Variants in PPM1E observed in about 807,000 individuals in gnomAD.
PPM1E encodes protein phosphatase, Mg2+/Mn2+ dependent 1E, also known as protein phosphatase 1E.
PPM1E carries 20 observed loss-of-function variants against 65.9 expected under a neutral mutation model. That is an observed-to-expected ratio of 0.30 (90% CI 0.21 to 0.44). The LOEUF is 0.44. PPM1E is among the 20% of genes least tolerant of loss of function. PPM1E has a pLI of 1.00. For missense variants in PPM1E, 713 were observed against 953.1 expected (o/e 0.75, Z 3.32); for synonymous variants, 352 against 374.9 (o/e 0.94, Z 0.70).
At chr17:58,917,201 C>T (rs1028007557) in intron 1 of PPM1E, among the ~76,000 whole-genome samples, 1 of 144,784 alleles carries the variant, frequency 6.9e-6, no homozygotes, top group African/African-American at 2.5e-5. Context: ...CAGAGCGAGA[C>T]TCTGTCTCAA....
intron 1 of PPM1E, among the ~76,000 whole-genome samples, chr17:58,772,461 A>G (rs1252815263): frequency 6.6e-6 from 1 of 152,132 alleles, no homozygotes; most frequent in African/African-American, 2.4e-5. Context: ...TCTAAAAAAA[A>G]AAAAAAGATA....
At chr17:58,960,788 T>G (rs994840120) in intron 2 of PPM1E, among the ~76,000 whole-genome samples, 14 of 136,408 alleles carry the variant, frequency 1.0e-4, no homozygotes, top group African/African-American at 3.8e-4. Context: ...AAAAGAAAAA[T>G]AATTATAATA....
chr17:58,769,208 CTATTTTCTATA>C (rs753024802), intron 1 of PPM1E, among the ~76,000 whole-genome samples: 5 of 151,918 alleles, frequency 3.3e-5, no homozygotes, highest in Non-Finnish European at 7.4e-5. Context: ...CTGAAGGTAC[CTATTTTCTATA>C]TAATTTTAAT....
chr17:58,962,667 A>G (rs2030069798), intron 2 of PPM1E, among the ~76,000 whole-genome samples: 1 of 152,218 alleles, frequency 6.6e-6, no homozygotes, highest in Admixed American at 6.5e-5. Context: ...GCTCAAAACA[A>G]TCAAAATGTT....
At chr17:58,866,025 T>C (rs1290773295) in intron 1 of PPM1E, among the ~76,000 whole-genome samples, 5 of 152,330 alleles carry the variant, frequency 3.3e-5, no homozygotes, top group African/African-American at 1.2e-4. Flanking sequence ...CCCCATCATA[T>C]TTCTTGTGGT....
intron 1 of PPM1E, among the ~76,000 whole-genome samples, chr17:58,778,501 T>C (rs2050017278): frequency 6.7e-6 from 1 of 148,576 alleles, no homozygotes; most frequent in African/African-American, 2.5e-5. Context: ...CTTCTGCCTG[T>C]CGGGTTCAAG....
intron 1 of PPM1E, among the ~76,000 whole-genome samples, chr17:58,789,098 TGAAA>T (rs1468504736): frequency 1.3e-5 from 2 of 152,236 alleles, no homozygotes; most frequent in Non-Finnish European, 2.9e-5. Context: ...TGTTTTGGAC[TGAAA>T]GATTGACTAA....
At chr17:58,950,320 C>T (rs2052218118) in intron 1 of PPM1E, among the ~76,000 whole-genome samples, 1 of 152,172 alleles carries the variant, frequency 6.6e-6, no homozygotes, top group Non-Finnish European at 1.5e-5. Context: ...AAAATTGCAC[C>T]ATTGCACTCC....
chr17:58,963,465 G>A (rs1035363351), intron 2 of PPM1E, among the ~76,000 whole-genome samples: 2 of 151,736 alleles, frequency 1.3e-5, no homozygotes, highest in Non-Finnish European at 2.9e-5. Flanking sequence ...GAGGCGGGTG[G>A]ATCACGAGGT....
intron 1 of PPM1E, among the ~76,000 whole-genome samples, chr17:58,933,834 C>T (rs1178544410): frequency 3.3e-5 from 5 of 150,350 alleles, no homozygotes; most frequent in South Asian, 2.1e-4. Context: ...CAGTGGCTCA[C>T]GCCTGTAATC....
intron 1 of PPM1E, among the ~76,000 whole-genome samples, chr17:58,832,141 A>G (rs2050612492): frequency 6.6e-6 from 1 of 152,216 alleles, no homozygotes; most frequent in Non-Finnish European, 1.5e-5. Context: ...TAAAGACAGT[A>G]TTAGAACTTT....
chr17:58,895,565 G>T (rs892527851), intron 1 of PPM1E, among the ~76,000 whole-genome samples: 7 of 152,244 alleles, frequency 4.6e-5, no homozygotes, highest in Middle Eastern at 3.4e-3. Flanking sequence ...CCAAAACTTT[G>T]GGAGGCTGAA....
At position 58,903,801 on chromosome 17, in the gene PPM1E, T is replaced by C. The variant is rs181920123; in HGVS notation, c.465-51848T>C. 3.9e-5 allele frequency among the ~76,000 whole-genome samples: 6 copies of C among 152,340 alleles called. No homozygotes were observed. The East Asian group carries it at 1.2e-3, about 29-fold the overall frequency. On this transcript the variant is annotated intron_variant, in intron 1 of 6. Transcript: ENST00000308249. ...TGGGCACCTTGGATATTATGTTTAC[T>C]TCTTGTTGTAAAAAACAGAGTAAAG... is the stretch of plus-strand genomic sequence containing the variant.
rs1465193259 is a variant in PPM1E at position 58,944,067 on chromosome 17, AAAC to A, written c.465-11574_465-11572del. 3.9e-5 allele frequency among the ~76,000 whole-genome samples: 6 copies of A among 152,214 alleles called. No homozygotes were observed. In the South Asian group the frequency reaches 1.0e-3, roughly 26 times the overall value. On this transcript the variant is annotated intron_variant, in intron 1 of 6. Coordinates refer to ENST00000308249, the MANE Select transcript of PPM1E (RefSeq NM_014906.5). ...TACAGTCAGATTCTACACCATTCTAAAACAACAACAGACTTTCCCTTTCCCCTA... is the reference window on the plus strand; with the variant it reads ...TACAGTCAGATTCTACACCATTCTAAAACAACAGACTTTCCCTTTCCCCTA...
At chr17:58,958,742 T>C (rs966524338) in intron 2 of PPM1E, among the ~76,000 whole-genome samples, 1 of 151,848 alleles carries the variant, frequency 6.6e-6, no homozygotes, top group African/African-American at 2.4e-5. Flanking sequence ...CATTTTCAAA[T>C]GCAAAGGCAG....
chr17:58,840,359 A>C (rs973959430), intron 1 of PPM1E, among the ~76,000 whole-genome samples: 24 of 152,220 alleles, frequency 1.6e-4, no homozygotes, highest in Admixed American at 1.6e-3. Context: ...AGCATAGGCT[A>C]TCTGGCATGG....
At chr17:58,776,863 A>G (rs1432047265) in intron 1 of PPM1E, among the ~76,000 whole-genome samples, 4 of 152,196 alleles carry the variant, frequency 2.6e-5, no homozygotes, top group Non-Finnish European at 4.4e-5. Flanking sequence ...GAAACCCAGA[A>G]TGGAAAATAA....
chr17:58,782,975 A>C (rs986947689), intron 1 of PPM1E, among the ~76,000 whole-genome samples: 2 of 152,188 alleles, frequency 1.3e-5, no homozygotes, highest in Admixed American at 6.5e-5. Context: ...ATCACTTAGT[A>C]AAGTAGAATT....
chr17:58,922,102 A>G (rs1444185215), intron 1 of PPM1E, among the ~76,000 whole-genome samples: 8 of 151,788 alleles, frequency 5.3e-5, no homozygotes, highest in Non-Finnish European at 1.5e-5. Context: ...TTTAGTATAT[A>G]TTTAGTATGA....
Sources: allele counts gnomAD v4.1 joint callset (sites outside exome capture counted in the v4.1 genomes callset), GRCh38; gene constraint gnomAD v4.1.1; transcripts MANE v1.5; gene names NCBI Gene and HGNC (gene_info 2026-07-23, HGNC 2026-07-21).